Variants in ATP10B observed in about 807,000 individuals in gnomAD.
ATP10B encodes ATPase phospholipid transporting 10B (putative), also known as phospholipid-transporting ATPase VB.
A neutral mutation model predicts 141.2 loss-of-function variants in ATP10B; 122 were observed. That is an observed-to-expected ratio of 0.86 (90% confidence interval 0.75 to 1.00). The LOEUF (loss-of-function observed/expected upper bound fraction) is 1.00. Ranked by LOEUF, ATP10B falls within the 50% of genes least tolerant of loss-of-function variation. The pLI is 0.00. For synonymous variants in ATP10B, 685 were observed against 692.0 expected, an observed-to-expected ratio of 0.99 and a Z score of 0.16; for missense variants, 1,876 against 1,825.3, an observed-to-expected ratio of 1.03 and a Z score of -0.51.
chr5:160,763,791 G>A (rs66951946), intron 2 of ATP10B, among the ~76,000 whole-genome samples: 40,146 of 151,842 alleles, frequency 0.26, 6,481 homozygotes, highest in African/African-American at 0.43. Flanking sequence ...AAAGATAAAC[G>A]AAATCAATAG....
the ATP10B span, among the ~76,000 whole-genome samples, chr5:160,880,204 T>C: frequency 1.0e-5 from 1 of 97,680 alleles, no homozygotes; most frequent in South Asian, 3.9e-4. Context: ...ATATAGATTA[T>C]ATAATATATA....
chr5:160,666,879 G>A (rs1264960476), intron 7 of ATP10B, among the ~76,000 whole-genome samples: 4 of 152,152 alleles, frequency 2.6e-5, no homozygotes, highest in Non-Finnish European at 4.4e-5. Context: ...GTGAACGCAA[G>A]GTAACAGTTA....
At chr5:160,771,844 A>ACATACTGT (rs1370203105) in intron 2 of ATP10B, among the ~76,000 whole-genome samples, 2 of 152,228 alleles carry the variant, frequency 1.3e-5, no homozygotes, top group Non-Finnish European at 2.9e-5. Context: ...CCTGTTTCAC[A>ACATACTGT]CATACTGTCT....
chr5:160,650,591 A>G (rs1760663945), intron 7 of ATP10B, among the ~76,000 whole-genome samples: 1 of 152,238 alleles, frequency 6.6e-6, no homozygotes, highest in Non-Finnish European at 1.5e-5. Flanking sequence ...GTCAGGAGAC[A>G]AGATAAAGTA....
Position 160,722,458 on chromosome 5 carries a change from T to C in ATP10B, c.-330-5424A>G, listed in dbSNP as rs964674421. 3.3e-5 allele frequency among the ~76,000 whole-genome samples: 5 copies of C among 152,164 alleles called. No homozygotes were observed. In the East Asian group the frequency reaches 9.6e-4, roughly 29 times the overall value. On this transcript the variant is annotated intron_variant, in intron 2 of 25. Coordinates refer to ENST00000327245, the MANE Select transcript of ATP10B (RefSeq NM_025153.3). ...CCACGTGAACAGATCATCCATTCCC[T>C]TATGGACTTGGTTGCTACCTTAGCT...
At chr5:160,774,764 G>A (rs1248086199) in intron 2 of ATP10B, among the ~76,000 whole-genome samples, 1 of 152,158 alleles carries the variant, frequency 6.6e-6, no homozygotes, top group African/African-American at 2.4e-5. Context: ...CACAAACTTA[G>A]GCTCCAGCTG....
At chr5:160,872,890 G>T in the ATP10B span, among the ~76,000 whole-genome samples, 1 of 150,922 alleles carries the variant, frequency 6.6e-6, no homozygotes, top group Non-Finnish European at 1.5e-5. Flanking sequence ...TTTTAGAATT[G>T]TTTTTTCTAC....
chr5:160,724,056 T>C (rs150986445), intron 2 of ATP10B, among the ~76,000 whole-genome samples: 2 of 152,180 alleles, frequency 1.3e-5, no homozygotes, highest in African/African-American at 4.8e-5. Context: ...TTCTCATTTG[T>C]AAGTGGGAAC....
At chr5:160,871,538 A>T in the ATP10B span, among the ~76,000 whole-genome samples, 1 of 152,004 alleles carries the variant, frequency 6.6e-6, no homozygotes, top group Non-Finnish European at 1.5e-5. Context: ...TTTCCCTCCA[A>T]GTTCCCAAAG....
the ATP10B span, among the ~76,000 whole-genome samples, chr5:160,863,792 A>C: frequency 6.6e-6 from 1 of 152,034 alleles, no homozygotes; most frequent in Non-Finnish European, 1.5e-5. Flanking sequence ...GAAATACAAA[A>C]GATCATTCAA....
Position 160,620,521 on chromosome 5 carries a change from C to A in ATP10B, c.2242G>T (p.Val748Leu), listed in dbSNP as rs192890224. The A allele has an allele frequency of 6.9e-4, 1,118 of 1,614,136 alleles. 1 individual carries two copies. Among genetic ancestry groups the A allele is most frequent in the Middle Eastern group, 4.0e-3 (24 of 6,060 alleles). Residue 748 changes from valine (V) to leucine (L), a missense_variant, in exon 15 of 26, where the codon GTG becomes TTG. Transcript: ENST00000327245. ...AGGCAGGTGCCCTGGGGCAGGCGCA[C>A]AGTCACCTGCTCAGGTGTCCGGGAC... ...LVSRTPEQVT[V>L]RLPQGTCLTF... is the part of the protein sequence containing the mutation.
rs1771082394 is a variant in ATP10B at position 160,785,639 on chromosome 5, G to T, written c.-411C>A. On this transcript the variant is annotated 5_prime_UTR_variant, in exon 2 of 26. Coordinates refer to ENST00000327245, the MANE Select transcript of ATP10B (RefSeq NM_025153.3). ...CTCAGTGTTTATTGTTCTCATCTTTGTGTCCATGTGTAAGAAATGGTAGTT... is the reference window on the plus strand; with the variant it reads ...CTCAGTGTTTATTGTTCTCATCTTTTTGTCCATGTGTAAGAAATGGTAGTT... 2 of 1,271,316 alleles carry T rather than the reference G, an allele frequency of 1.6e-6. No individual in the cohort carries two copies. Among genetic ancestry groups the T allele is most frequent in the Non-Finnish European group, 2.1e-6 (2 of 972,848 alleles). The allele number at this position is 1,271,316 out of a possible 1,614,324, so 78.8% of individuals were successfully genotyped here.
intron 8 of ATP10B, 118 bp from the exon 9 acceptor site, chr5:160,644,362 C>A: frequency 1.4e-6 from 1 of 717,454 alleles, no homozygotes. Flanking sequence ...CCTGTTTTTT[C>A]AGAAGAGTGA....
At chr5:160,848,473 G>A (rs941601501) in intron 1 of ATP10B, among the ~76,000 whole-genome samples, 2 of 152,176 alleles carry the variant, frequency 1.3e-5, no homozygotes, top group Non-Finnish European at 2.9e-5. Context: ...GTTCTTTCTA[G>A]CATACCAGCA....
intron 1 of ATP10B, among the ~76,000 whole-genome samples, chr5:160,840,768 A>G (rs1775764573): frequency 6.6e-6 from 1 of 152,158 alleles, no homozygotes; most frequent in Non-Finnish European, 1.5e-5. Context: ...AAAAATTATC[A>G]TTCTATAGCA....
At chr5:160,614,371 T>G (rs1757887471) in intron 17 of ATP10B, 1 of 152,176 alleles carries the variant, frequency 6.6e-6, no homozygotes. Flanking sequence ...CTGATAAGTG[T>G]GTTCTCTTCA....
Position 160,693,403 on chromosome 5 carries a change from A to AACACACACACACACACAC in ATP10B, c.-204-4478_-204-4461dup, listed in dbSNP as rs3075585. ...GGCAAGATGTTTCCATGGGTCAGAA[A>AACACACACACACACACAC]ACACACACACACACACACACACACA... On this transcript the variant is annotated intron_variant, in intron 3 of 25. Transcript: ENST00000327245. Among the ~76,000 whole-genome samples the AACACACACACACACACAC allele has an allele frequency of 1.0e-4, 13 of 125,682 alleles. 1 individual carries two copies. The East Asian group carries it at 1.6e-3, about 15-fold the overall frequency. The allele number at this position is 125,682 out of a possible 152,430, so 82.5% of individuals were successfully genotyped here. A position where few individuals can be genotyped will look rare whatever the true frequency, so the allele number is the denominator to read the frequency against.
At chr5:160,886,090 C>T in the ATP10B span, among the ~76,000 whole-genome samples, 5 of 152,280 alleles carry the variant, frequency 3.3e-5, no homozygotes, top group East Asian at 1.9e-4. Flanking sequence ...AGGAAACAGA[C>T]GCTACTTTTA....
At chr5:160,898,407 C>A in the ATP10B span, among the ~76,000 whole-genome samples, 1 of 152,208 alleles carries the variant, frequency 6.6e-6, no homozygotes, top group Admixed American at 6.5e-5. Context: ...CTCATAATCA[C>A]TGGTCATTAG....
Sources: gnomAD v4.1 joint callset for allele counts (sites outside exome capture counted in the v4.1 genomes callset) on GRCh38, gnomAD v4.1.1 for gene constraint, MANE v1.5 for transcripts, NCBI Gene and HGNC (gene_info 2026-07-23, HGNC 2026-07-21) for gene names.